PTPRU: variants seen among roughly 807,000 people sequenced by gnomAD.
PTPRU encodes protein tyrosine phosphatase receptor type U.
PTPRU carries 69 observed loss-of-function variants against 166.3 expected under a neutral mutation model. That is an observed-to-expected ratio of 0.41 (90% CI 0.34 to 0.51). PTPRU has a LOEUF of 0.51. Ranked by LOEUF, PTPRU falls within the 20% of genes least tolerant of loss-of-function variation. PTPRU has a pLI of 0.09. For missense variants in PTPRU, 1,657 were observed against 2,013.7 expected (o/e 0.82, Z 3.39); for synonymous variants, 793 against 814.0 (o/e 0.97, Z 0.44).
chr1:29,325,363 T>C, intron 29 of PTPRU, 37 bp downstream of exon 29: 2 of 1,610,006 alleles, frequency 1.2e-6, no homozygotes, highest in South Asian at 2.2e-5. Context: ...CACTTCCACC[T>C]TCCTGGTCCA....
At chr1:29,299,446 G>C (rs1302765187) in intron 15 of PTPRU, among the ~76,000 whole-genome samples, 1 of 152,176 alleles carries the variant, frequency 6.6e-6, no homozygotes, top group African/African-American at 2.4e-5. Context: ...TCCTCTCTGG[G>C]CCCAGGAATT....
intron 5 of PTPRU, 35 bp downstream of exon 5, chr1:29,259,599 G>GGC: frequency 6.8e-7 from 1 of 1,467,290 alleles, no homozygotes; most frequent in Non-Finnish European, 9.3e-7. Context: ...TGGGGGCGGG[G>GGC]TGGGAGGGGG....
In PTPRU at chr1:29,291,875, G is replaced by A. The variant is rs116098859; in HGVS notation, c.2325G>A (p.Pro775=). 1.9e-3 allele frequency: 3,039 copies of A among 1,613,854 alleles called. 4 individuals carry two copies. Among genetic ancestry groups the A allele is most frequent in the Non-Finnish European group, 2.4e-3 (2,842 of 1,179,912 alleles). Residue 775 remains proline (P), a synonymous_variant, in exon 15 of 30, where the codon CCG becomes CCA. Transcript: ENST00000373779. The surrounding 1 kb of genome is among the most constrained non-coding windows in gnomAD (Gnocchi z 4.1). ...AIIVIIRKGK[P]VNMTKATVNY... ...CCTCAACCCCCCTCTCCAGGAAGCC[G>A]GTGAACATGACCAAGGCCACCGTCA...
Position 29,236,547 on chromosome 1 carries a change from C to A in PTPRU, c.-98C>A, listed in dbSNP as rs75011501. ...AGTCCCGCTCCGCGCCGCGCCGCTCCGCTCCGGCTCGGGCTCCGGCTCGCC... is the reference window on the plus strand; with the variant it reads ...AGTCCCGCTCCGCGCCGCGCCGCTCAGCTCCGGCTCGGGCTCCGGCTCGCC... On this transcript the variant is annotated 5_prime_UTR_variant, in exon 1 of 30. Coordinates refer to ENST00000373779, the MANE Select transcript of PTPRU (RefSeq NM_133178.4). This position sits in a 1 kb window ranked among gnomAD's most constrained non-coding sequence, Gnocchi z 4.6. The A allele has an allele frequency of 1.0e-6, 1 of 964,266 alleles. No individual in the cohort carries two copies. The allele number at this position is 964,266 out of a possible 1,614,324, so 59.7% of individuals were successfully genotyped here.
At chr1:29,258,957 T>C (rs976909362) in intron 3 of PTPRU, among the ~76,000 whole-genome samples, 181 bp downstream of exon 3, 1 of 152,168 alleles carries the variant, frequency 6.6e-6, no homozygotes, top group Non-Finnish European at 1.5e-5. Context: ...TCTGAGGTCA[T>C]TGTTCCTAGG....
chr1:29,269,247 T>TATATATATATATA (rs56668800), intron 7 of PTPRU, among the ~76,000 whole-genome samples: 1 of 24,332 alleles, frequency 4.1e-5, no homozygotes. Context: ...TATATATATA[T>TATATATATATATA]TTTTTTTTTT....
At chr1:29,307,817 G>A (rs1455001313) in intron 18 of PTPRU, among the ~76,000 whole-genome samples, 1 of 139,376 alleles carries the variant, frequency 7.2e-6, no homozygotes, top group East Asian at 2.1e-4. Context: ...CTGGAGCGCA[G>A]TGGCACGATC....
Position 29,260,119 on chromosome 1 carries a change from C to G in PTPRU, c.850+75C>G. On this transcript the variant is annotated intron_variant, in intron 6 of 29. Transcript: ENST00000373779. The surrounding 1 kb of genome is among the most constrained non-coding windows in gnomAD (Gnocchi z 8.3). ...GGGCCGGCGACGGGGGCGGGCTCTG[C>G]CCGGGGGCGTGGCCGTGGGGGGTGG... is the stretch of plus-strand genomic sequence containing the variant. 1 of 1,311,664 alleles carries G rather than the reference C, an allele frequency of 7.6e-7. No homozygotes were observed. The highest frequency in any genetic ancestry group is 9.7e-7 in the Non-Finnish European group (1 of 1,027,560). 81.3% of individuals were successfully genotyped at this position (1,311,664 alleles called of 1,614,324 possible).
At chr1:29,301,195 G>A (rs1410243310) in intron 15 of PTPRU, among the ~76,000 whole-genome samples, 3 of 152,140 alleles carry the variant, frequency 2.0e-5, no homozygotes, top group Non-Finnish European at 2.9e-5. Flanking sequence ...AGCAGGAGGA[G>A]GGACATGCGT....
chr1:29,280,919 A>G lies in PTPRU; in HGVS notation c.1868+778A>G, dbSNP rs532751634. ...GGGTATTATTACCTTCATTTTACAT[A>G]TCGGGAAACTGACTCAGAGCCTGAA... On this transcript the variant is annotated intron_variant, in intron 11 of 29. Coordinates refer to ENST00000373779, the MANE Select transcript of PTPRU (RefSeq NM_133178.4). This position sits in a 1 kb window ranked among gnomAD's most constrained non-coding sequence, Gnocchi z 4.2. Among the ~76,000 whole-genome samples, 7 of 152,242 alleles carry G rather than the reference A, an allele frequency of 4.6e-5. No individual in the cohort carries two copies. Among genetic ancestry groups the G allele is most frequent in the Admixed American group, 4.6e-4 (7 of 15,296 alleles).
Position 29,238,730 on chromosome 1 carries a change from T to C in PTPRU, c.73+2013T>C, listed in dbSNP as rs1683903446. ...ATGTCCTGCGGCAACTTTGCCTCCC[T>C]CTCCCACCGTGAAATCAAACCCGCG... On this transcript the variant is annotated intron_variant, in intron 1 of 29. Coordinates refer to ENST00000373779, the MANE Select transcript of PTPRU (RefSeq NM_133178.4). The surrounding 1 kb of genome is among the most constrained non-coding windows in gnomAD (Gnocchi z 6.1). Among the ~76,000 whole-genome samples the C allele has an allele frequency of 1.3e-5, 2 of 150,640 alleles. No homozygotes were observed. The highest frequency in any genetic ancestry group is 4.2e-4 in the South Asian group (2 of 4,770).
At chr1:29,245,921 C>T (rs1684277381) in intron 1 of PTPRU, among the ~76,000 whole-genome samples, 1 of 152,238 alleles carries the variant, frequency 6.6e-6, no homozygotes, top group Admixed American at 6.5e-5. Flanking sequence ...GGCACATGGA[C>T]TCTTTTGGGG....
chr1:29,260,071 C>T lies in PTPRU; in HGVS notation c.850+27C>T, dbSNP rs1170156918. On this transcript the variant is annotated intron_variant, in intron 6 of 29. Transcript: ENST00000373779. The surrounding 1 kb of genome is among the most constrained non-coding windows in gnomAD (Gnocchi z 8.3). ...TCAGCTGGTGGACGCCGGGGAGCGC[C>T]GGGACCTCACCCTCGAGGGGCGGGG... 1.1e-5 allele frequency: 13 copies of T among 1,191,400 alleles called. No homozygotes were observed. The highest frequency in any genetic ancestry group is 1.4e-5 in the Non-Finnish European group (13 of 952,934). 73.8% of individuals were successfully genotyped at this position (1,191,400 alleles called of 1,614,324 possible).
At chr1:29,239,029 G>C (rs1683915826) in intron 1 of PTPRU, among the ~76,000 whole-genome samples, 1 of 152,222 alleles carries the variant, frequency 6.6e-6, no homozygotes, top group African/African-American at 2.4e-5. Flanking sequence ...GGATTTGAGA[G>C]TTGTTGCAAA....
intron 7 of PTPRU, among the ~76,000 whole-genome samples, chr1:29,265,955 G>A (rs186436786): frequency 6.8e-6 from 1 of 147,840 alleles, no homozygotes; most frequent in African/African-American, 2.5e-5. Context: ...TGTGGTTTTG[G>A]TATCAAGTCT....
At position 29,260,396 on chromosome 1, in the gene PTPRU, G is replaced by C. The variant is rs1228691647; in HGVS notation, c.851-214G>C. 2.0e-6 allele frequency: 1 copy of C among 496,596 alleles called. No homozygotes were observed. Among genetic ancestry groups the C allele is most frequent in the African/African-American group, 2.0e-5 (1 of 49,512 alleles). 30.8% of individuals were successfully genotyped at this position (496,596 alleles called of 1,614,324 possible). Reference sequence around the variant, plus strand: ...GGGCCTGAGAGAGGGGTTGTGGGCTGATGGGCGAGGGCGGGGTCAGCCTTT... The same window carrying C: ...GGGCCTGAGAGAGGGGTTGTGGGCTCATGGGCGAGGGCGGGGTCAGCCTTT... On this transcript the variant is annotated intron_variant, in intron 6 of 29. Transcript: ENST00000373779. The surrounding 1 kb of genome is among the most constrained non-coding windows in gnomAD (Gnocchi z 8.3).
intron 16 of PTPRU, 92 bp downstream of exon 16, chr1:29,304,137 A>C (rs536009301): frequency 7.1e-7 from 1 of 1,415,816 alleles, no homozygotes; most frequent in African/African-American, 1.4e-5. Flanking sequence ...CCCTCAGCCT[A>C]GTCCTGGTTG....
intron 15 of PTPRU, among the ~76,000 whole-genome samples, chr1:29,303,148 C>T (rs1687213481): frequency 6.6e-6 from 1 of 152,168 alleles, no homozygotes. Context: ...TGTCCCAAGG[C>T]GGGTGTGGCT....
At chr1:29,256,974 C>T (rs1000901456) in intron 2 of PTPRU, among the ~76,000 whole-genome samples, 1 of 152,128 alleles carries the variant, frequency 6.6e-6, no homozygotes, top group East Asian at 1.9e-4. Context: ...AGTCTTTGTC[C>T]TCCTGGTTCT....
Sources: allele counts gnomAD v4.1 joint callset (sites outside exome capture counted in the v4.1 genomes callset), GRCh38; gene constraint gnomAD v4.1.1; non-coding constraint Gnocchi (gnomAD v3.1); transcripts MANE v1.5; gene names NCBI Gene and HGNC (gene_info 2026-07-23, HGNC 2026-07-21).